SEMA3D: variants seen among roughly 807,000 people sequenced by gnomAD.
SEMA3D encodes the protein semaphorin 3D.
In SEMA3D, 84 loss-of-function variants were observed where a neutral mutation model predicts 100.1. That is an observed-to-expected ratio of 0.84 (90% CI 0.70 to 1.01). The LOEUF (loss-of-function observed/expected upper bound fraction) is 1.01. Among genes scored for constraint, SEMA3D ranks in the 50% least tolerant of loss-of-function variants. The pLI, the probability that SEMA3D is intolerant of heterozygous loss-of-function variation, is 0.00. For missense variants in SEMA3D, 875 were observed against 934.1 expected, an observed-to-expected ratio of 0.94 and a Z score of 0.82; for synonymous variants, 312 against 320.7, an observed-to-expected ratio of 0.97 and a Z score of 0.29.
intron 2 of SEMA3D, among the ~76,000 whole-genome samples, chr7:85,134,040 T>C (rs1416154701): frequency 6.6e-6 from 1 of 151,982 alleles, no homozygotes; most frequent in Non-Finnish European, 1.5e-5. Flanking sequence ...CATTCCACAG[T>C]GTACATGTTT....
chr7:85,248,856 A>T, the SEMA3D span, among the ~76,000 whole-genome samples: 2 of 152,196 alleles, frequency 1.3e-5, no homozygotes, highest in Non-Finnish European at 2.9e-5. Flanking sequence ...CAGGGCATAG[A>T]TGATTTTTAG....
the SEMA3D span, among the ~76,000 whole-genome samples, chr7:85,206,907 ATAAT>A: frequency 6.6e-6 from 1 of 152,100 alleles, no homozygotes; most frequent in Non-Finnish European, 1.5e-5. Context: ...CAATAATCCT[ATAAT>A]TAATACATTT....
intron 18 of SEMA3D, among the ~76,000 whole-genome samples, chr7:85,001,488 C>T (rs917743155): frequency 1.3e-5 from 2 of 152,190 alleles, no homozygotes; most frequent in Non-Finnish European, 1.5e-5. Flanking sequence ...AATGGCCAAT[C>T]TTAAACATAA....
rs181033408 is a variant in SEMA3D, at chr7:85,156,385, C to A, written c.-172-2646G>T. Among the ~76,000 whole-genome samples, 787 of 152,238 alleles carry A rather than the reference C, an allele frequency of 5.2e-3. 9 individuals carry two copies. The highest frequency in any genetic ancestry group is 0.018 in the African/African-American group (745 of 41,550). ...AAAGTGCTGGGATTACAGGCGTGAG[C>A]CACCACACCTGGCCACAAGTGATTC... On this transcript the variant is annotated intron_variant, in intron 1 of 18. Coordinates refer to ENST00000284136, the MANE Select transcript of SEMA3D (RefSeq NM_001384900.1).
At chr7:85,126,749 GA>G (rs1018279775) in intron 2 of SEMA3D, among the ~76,000 whole-genome samples, 11 of 152,002 alleles carry the variant, frequency 7.2e-5, no homozygotes, top group African/African-American at 2.4e-4. Context: ...AGGGATTATA[GA>G]AAAAAACTCG....
At chr7:85,103,317 G>T (rs1307821768) in intron 3 of SEMA3D, among the ~76,000 whole-genome samples, 3 of 151,970 alleles carry the variant, frequency 2.0e-5, no homozygotes, top group Non-Finnish European at 4.4e-5. Context: ...ACTCATCAAA[G>T]TTGAATAATA....
the SEMA3D span, among the ~76,000 whole-genome samples, chr7:85,209,893 T>C: frequency 6.6e-6 from 1 of 152,122 alleles, no homozygotes; most frequent in Non-Finnish European, 1.5e-5. Flanking sequence ...TGTCAGTCTT[T>C]GTCTTGGTTA....
At chr7:85,050,306 T>C (rs1791128608) in intron 9 of SEMA3D, 1 of 153,660 alleles carries the variant, frequency 6.5e-6, no homozygotes, top group South Asian at 2.1e-4. Context: ...AGCAGTTCTT[T>C]GGGGTGTAAG....
At chr7:85,012,761 G>A (rs1238921581) in intron 17 of SEMA3D, 21 bp downstream of exon 17, 1 of 1,586,404 alleles carries the variant, frequency 6.3e-7, no homozygotes, top group Non-Finnish European at 8.6e-7. Context: ...GGGAGAAAAA[G>A]CATATCAGAG....
intron 17 of SEMA3D, among the ~76,000 whole-genome samples, chr7:85,011,104 C>T (rs1789939391): frequency 6.6e-6 from 1 of 151,806 alleles, no homozygotes; most frequent in Admixed American, 6.6e-5. Flanking sequence ...GTTGTAAATA[C>T]TCCCACCATG....
At chr7:85,231,980 C>T in the SEMA3D span, among the ~76,000 whole-genome samples, 1 of 152,038 alleles carries the variant, frequency 6.6e-6, no homozygotes, top group South Asian at 2.1e-4. Context: ...AAAGTTTATG[C>T]AAAAATTGTC....
intron 11 of SEMA3D, among the ~76,000 whole-genome samples, chr7:85,039,926 C>T (rs893196450): frequency 4.0e-5 from 6 of 149,468 alleles, no homozygotes; most frequent in African/African-American, 1.5e-4. Context: ...TATGACAACA[C>T]ATATCATGTA....
chr7:85,126,483 T>C (rs1434704313), intron 2 of SEMA3D, among the ~76,000 whole-genome samples: 1 of 151,396 alleles, frequency 6.6e-6, no homozygotes, highest in East Asian at 1.9e-4. Flanking sequence ...TTTAATTTTA[T>C]AAAGAGCTCT....
the SEMA3D span, among the ~76,000 whole-genome samples, chr7:85,217,120 T>A: frequency 3.9e-5 from 6 of 152,108 alleles, no homozygotes; most frequent in Non-Finnish European, 7.4e-5. Context: ...ATACAAAGCA[T>A]TATAGTTCTG....
At chr7:85,092,157 C>T (rs1333613009) in intron 4 of SEMA3D, among the ~76,000 whole-genome samples, 2 of 151,990 alleles carry the variant, frequency 1.3e-5, no homozygotes, top group Middle Eastern at 3.2e-3. Flanking sequence ...TTTACTCATC[C>T]GTCTTGTACT....
the SEMA3D span, among the ~76,000 whole-genome samples, chr7:85,247,476 T>C: frequency 6.6e-6 from 1 of 152,048 alleles, no homozygotes; most frequent in Admixed American, 6.6e-5. Flanking sequence ...TTGAATATAT[T>C]AACAGTTAAG....
At chr7:85,244,708 CTTTT>C in the SEMA3D span, among the ~76,000 whole-genome samples, 989 of 121,878 alleles carry the variant, frequency 8.1e-3, 11 homozygotes, top group Middle Eastern at 0.044. Flanking sequence ...ACTGCACAAT[CTTTT>C]TTTTTTTTTT....
At chr7:85,123,453 T>C (rs1448308668) in intron 2 of SEMA3D, among the ~76,000 whole-genome samples, 2 of 152,148 alleles carry the variant, frequency 1.3e-5, no homozygotes, top group Non-Finnish European at 2.9e-5. Flanking sequence ...GAAGGCCTAA[T>C]AAGGGTTGAA....
intron 2 of SEMA3D, chr7:85,142,233 C>T (rs1790072865): frequency 1.0e-6 from 1 of 980,114 alleles, no homozygotes; most frequent in African/African-American, 1.8e-5. Flanking sequence ...GAGATATCAT[C>T]TCTCTACCAA....
Sources: allele counts gnomAD v4.1 joint callset (sites outside exome capture counted in the v4.1 genomes callset), GRCh38; gene constraint gnomAD v4.1.1; transcripts MANE v1.5; gene names NCBI Gene and HGNC (gene_info 2026-07-23, HGNC 2026-07-21).